TAFA1: variants seen among roughly 807,000 people sequenced by gnomAD.
The protein encoded by TAFA1 is chemokine-like protein TAFA-1.
In TAFA1, 4 loss-of-function variants were observed where a neutral mutation model predicts 18.5. The observed-to-expected ratio is 0.22, with a 90% CI of 0.11 to 0.49. TAFA1 has a LOEUF of 0.49. Ranked by LOEUF, TAFA1 falls within the 20% of genes least tolerant of loss-of-function variation. TAFA1 has a pLI of 0.98. For synonymous variants in TAFA1, 56 were observed against 55.2 expected, an observed-to-expected ratio of 1.01 and a Z score of -0.06; for missense variants, 147 against 169.0, an observed-to-expected ratio of 0.87 and a Z score of 0.72.
intron 3 of TAFA1, among the ~76,000 whole-genome samples, chr3:68,531,619 T>C (rs1553700766): frequency 6.6e-6 from 1 of 152,112 alleles, no homozygotes; most frequent in Non-Finnish European, 1.5e-5. Context: ...AACTCCATCA[T>C]TTTGCTTCTT....
intron 2 of TAFA1, among the ~76,000 whole-genome samples, chr3:68,297,160 A>G (rs1457626457): frequency 6.6e-6 from 1 of 152,210 alleles, no homozygotes; most frequent in Non-Finnish European, 1.5e-5. Flanking sequence ...CTGAAGGGGT[A>G]GTAGGGTATC....
intron 2 of TAFA1, among the ~76,000 whole-genome samples, chr3:68,355,088 T>G (rs1050027488): frequency 6.6e-6 from 1 of 151,988 alleles, no homozygotes; most frequent in Non-Finnish European, 1.5e-5. Flanking sequence ...TTTTTTTCAC[T>G]GTGGACATAT....
intron 2 of TAFA1, among the ~76,000 whole-genome samples, chr3:68,168,929 G>C (rs1320624555): frequency 6.6e-6 from 1 of 152,078 alleles, no homozygotes; most frequent in African/African-American, 2.4e-5. Flanking sequence ...TAACACATCA[G>C]CTATCTATAG....
At chr3:68,385,462 G>A (rs568741884) in intron 2 of TAFA1, among the ~76,000 whole-genome samples, 41 of 152,140 alleles carry the variant, frequency 2.7e-4, no homozygotes, top group African/African-American at 8.9e-4. Flanking sequence ...GGTTTTCATC[G>A]TATTAGCTGT....
At chr3:68,531,853 C>T (rs1004255970) in intron 3 of TAFA1, among the ~76,000 whole-genome samples, 5 of 152,142 alleles carry the variant, frequency 3.3e-5, no homozygotes, top group East Asian at 1.9e-4. Flanking sequence ...TCATGTCAAC[C>T]TAACTACCTG....
At chr3:68,263,538 A>T (rs924242277) in intron 2 of TAFA1, among the ~76,000 whole-genome samples, 1 of 151,658 alleles carries the variant, frequency 6.6e-6, no homozygotes, top group Non-Finnish European at 1.5e-5. Flanking sequence ...AGTTACTGGC[A>T]TTTGACTCTG....
chr3:68,517,017 G>A (rs561917847), intron 3 of TAFA1, among the ~76,000 whole-genome samples: 31 of 152,092 alleles, frequency 2.0e-4, no homozygotes, highest in African/African-American at 6.5e-4. Context: ...CAAGTGATCC[G>A]CCCACCTCGG....
At chr3:68,334,672 T>G (rs759709787) in intron 2 of TAFA1, among the ~76,000 whole-genome samples, 15 of 152,122 alleles carry the variant, frequency 9.9e-5, no homozygotes, top group Non-Finnish European at 1.8e-4. Flanking sequence ...TGATTTTTGC[T>G]GTGGTAGGAA....
At chr3:68,290,681 C>G (rs1434819797) in intron 2 of TAFA1, among the ~76,000 whole-genome samples, 1 of 152,244 alleles carries the variant, frequency 6.6e-6, no homozygotes. Context: ...TAGCAATTCT[C>G]TTCTCTTCAC....
At chr3:68,381,023 A>G (rs373361222) in intron 2 of TAFA1, among the ~76,000 whole-genome samples, 16 of 140,122 alleles carry the variant, frequency 1.1e-4, no homozygotes, top group African/African-American at 2.9e-4. Flanking sequence ...TTATTAAATA[A>G]GGAATCCTTT....
At chr3:68,385,313 A>G (rs1399039871) in intron 2 of TAFA1, among the ~76,000 whole-genome samples, 1 of 152,126 alleles carries the variant, frequency 6.6e-6, no homozygotes, top group Non-Finnish European at 1.5e-5. Context: ...TGTAAACAAC[A>G]TGGCGTTTCC....
intron 3 of TAFA1, among the ~76,000 whole-genome samples, chr3:68,533,793 T>C (rs546275728): frequency 6.6e-6 from 1 of 152,260 alleles, no homozygotes; most frequent in East Asian, 1.9e-4. Flanking sequence ...TGCACTTATC[T>C]GTTTAGAAAC....
intron 2 of TAFA1, among the ~76,000 whole-genome samples, chr3:68,178,070 G>T (rs111562581): frequency 1.3e-5 from 2 of 152,072 alleles, no homozygotes; most frequent in African/African-American, 4.8e-5. Flanking sequence ...CGTGAACCTG[G>T]GAGGCGGAGC....
At chr3:68,177,141 G>T (rs2066136455) in intron 2 of TAFA1, among the ~76,000 whole-genome samples, 2 of 152,164 alleles carry the variant, frequency 1.3e-5, no homozygotes, top group South Asian at 2.1e-4. Context: ...AAAGAGAAAA[G>T]GAGTAATTCT....
chr3:68,229,245 C>G (rs889469812), intron 2 of TAFA1, among the ~76,000 whole-genome samples: 3 of 152,180 alleles, frequency 2.0e-5, no homozygotes, highest in African/African-American at 7.2e-5. Context: ...TAACTAAGAT[C>G]TGCTATTGCT....
chr3:68,332,472 G>A (rs73099662), intron 2 of TAFA1, among the ~76,000 whole-genome samples: 25,096 of 152,132 alleles, frequency 0.16, 2,196 homozygotes, highest in Middle Eastern at 0.25. Flanking sequence ...AAAATGAAAG[G>A]CAACCTGAAG....
chr3:68,199,958 TATA>T (rs2066452919), intron 2 of TAFA1, among the ~76,000 whole-genome samples: 1 of 151,712 alleles, frequency 6.6e-6, no homozygotes, highest in African/African-American at 2.4e-5. Context: ...CATCACTAAA[TATA>T]ATGTGAGCTG....
At chr3:68,462,127 T>C (rs1347174190) in intron 3 of TAFA1, among the ~76,000 whole-genome samples, 1 of 152,192 alleles carries the variant, frequency 6.6e-6, no homozygotes, top group Non-Finnish European at 1.5e-5. Flanking sequence ...TTTATTTGTA[T>C]TTTGCTGTAT....
At chr3:68,044,110 G>A (rs911116025) in intron 2 of TAFA1, among the ~76,000 whole-genome samples, 7 of 152,086 alleles carry the variant, frequency 4.6e-5, no homozygotes, top group Admixed American at 6.6e-5. Context: ...CTTAGATTTG[G>A]ATGAGAACCC....
Sources: gnomAD v4.1 joint callset for allele counts (sites outside exome capture counted in the v4.1 genomes callset) on GRCh38, gnomAD v4.1.1 for gene constraint, MANE v1.5 for transcripts, NCBI Gene and HGNC (gene_info 2026-07-23, HGNC 2026-07-21) for gene names.